The following RBFOX1 variants were observed in gnomAD, a reference collection of about 807,000 sequenced individuals.
RBFOX1 encodes the protein RNA binding fox-1 homolog 1.
Under a neutral mutation model 57.7 loss-of-function variants are expected in RBFOX1, and 8 were observed. That is an observed-to-expected ratio of 0.14 (90% confidence interval 0.08 to 0.25). The LOEUF is 0.25. RBFOX1 is among the 10% of genes least tolerant of loss of function. The pLI, the probability that RBFOX1 is intolerant of heterozygous loss-of-function variation, is 1.00. For synonymous variants in RBFOX1, 326 were observed against 222.4 expected, an observed-to-expected ratio of 1.47 and a Z score of -4.15; for missense variants, 611 against 548.5, an observed-to-expected ratio of 1.11 and a Z score of -1.14.
chr16:6,605,550 CATCGGAGTG>C (rs536353082), intron 2 of RBFOX1, among the ~76,000 whole-genome samples: 54 of 152,172 alleles, frequency 3.5e-4, no homozygotes, highest in Non-Finnish European at 6.8e-4. Flanking sequence ...GTGCATTTGT[CATCGGAGTG>C]ATCGGAGTGA....
intron 4 of RBFOX1, among the ~76,000 whole-genome samples, chr16:7,064,166 T>G (rs1368762424): frequency 6.9e-6 from 1 of 144,518 alleles, no homozygotes; most frequent in East Asian, 2.0e-4. Context: ...GTGTTCTTTT[T>G]TTTTTTTTTT....
intron 2 of RBFOX1, among the ~76,000 whole-genome samples, chr16:6,393,054 A>C (rs2092676592): frequency 6.6e-6 from 1 of 152,246 alleles, no homozygotes; most frequent in African/African-American, 2.4e-5. Flanking sequence ...ACACTGGAGT[A>C]AATGGGGCAC....
chr16:7,172,489 T>C (rs1039928255), intron 4 of RBFOX1, among the ~76,000 whole-genome samples: 1 of 152,200 alleles, frequency 6.6e-6, no homozygotes, highest in Non-Finnish European at 1.5e-5. Context: ...CCCAGCCTTT[T>C]ATCAGCAAAT....
chr16:5,764,071 A>G (rs1027731863), intron 3 of RBFOX1, among the ~76,000 whole-genome samples: 6 of 152,150 alleles, frequency 3.9e-5, no homozygotes, highest in African/African-American at 1.4e-4. Context: ...GGTGTCTAAT[A>G]AATACTTAAC....
intron 2 of RBFOX1, among the ~76,000 whole-genome samples, chr16:6,385,599 A>C (rs1417306979): frequency 6.6e-6 from 1 of 152,228 alleles, no homozygotes; most frequent in Admixed American, 6.5e-5. Context: ...ACCTTAAGTG[A>C]TCCACCTGCC....
intron 2 of RBFOX1, among the ~76,000 whole-genome samples, chr16:6,563,178 G>C (rs1225752892): frequency 6.6e-6 from 1 of 152,084 alleles, no homozygotes; most frequent in Non-Finnish European, 1.5e-5. Flanking sequence ...TTGTGACTCT[G>C]TCTCTCTGAA....
intron 4 of RBFOX1, among the ~76,000 whole-genome samples, chr16:7,121,862 C>G (rs1210720638): frequency 1.3e-5 from 2 of 151,790 alleles, no homozygotes; most frequent in Non-Finnish European, 2.9e-5. Context: ...ATAGAGACTC[C>G]AGAAATAGAC....
intron 4 of RBFOX1, among the ~76,000 whole-genome samples, chr16:7,073,842 G>C (rs945414882): frequency 2.6e-5 from 4 of 152,052 alleles, no homozygotes; most frequent in Admixed American, 2.0e-4. Context: ...GGGTGACAGA[G>C]CAAGGCATTG....
chr16:7,516,177 G>C (rs1450960435), intron 4 of RBFOX1, among the ~76,000 whole-genome samples: 2 of 152,202 alleles, frequency 1.3e-5, no homozygotes, highest in East Asian at 1.9e-4. Flanking sequence ...CCAGGCTTAT[G>C]ATGTTTTTAC....
At position 5,644,023 on chromosome 16, in the gene RBFOX1, G is replaced by A. The variant is rs932098900; in HGVS notation, c.318+45062G>A. On this transcript the variant is annotated intron_variant, in intron 3 of 19. Transcript: ENST00000641259. ...AAATGTGACCTTTACAACAAAACGTGCAGACTGCGTCGTACACAGAGGACT... is the reference window on the plus strand; with the variant it reads ...AAATGTGACCTTTACAACAAAACGTACAGACTGCGTCGTACACAGAGGACT... Among the ~76,000 whole-genome samples the A allele has an allele frequency of 1.7e-4, 26 of 152,160 alleles. 1 individual carries two copies. The highest frequency in any genetic ancestry group is 7.3e-5 in the Non-Finnish European group (5 of 68,032).
chr16:7,147,485 A>C (rs12922129), intron 4 of RBFOX1, among the ~76,000 whole-genome samples: 1 of 151,776 alleles, frequency 6.6e-6, no homozygotes, highest in Non-Finnish European at 1.5e-5. Context: ...CCTGCATCTC[A>C]TAGTCTCCAG....
chr16:6,858,281 G>A (rs1341881558), intron 3 of RBFOX1, among the ~76,000 whole-genome samples: 2 of 152,130 alleles, frequency 1.3e-5, no homozygotes, highest in Admixed American at 1.3e-4. Context: ...TGTTTCAGAG[G>A]TCTTCCCTCT....
At chr16:7,262,178 G>C (rs529468341) in intron 4 of RBFOX1, among the ~76,000 whole-genome samples, 7 of 152,150 alleles carry the variant, frequency 4.6e-5, no homozygotes, top group East Asian at 1.9e-4. Context: ...ATATGGATCT[G>C]TATATTGAAA....
chr16:6,274,863 C>A (rs1478262169), intron 1 of RBFOX1, among the ~76,000 whole-genome samples: 4 of 152,152 alleles, frequency 2.6e-5, no homozygotes. Context: ...ATAGGCTGTT[C>A]TTTTTAAGAA....
chr16:7,503,515 T>G (rs936934377), intron 4 of RBFOX1, among the ~76,000 whole-genome samples: 1 of 152,166 alleles, frequency 6.6e-6, no homozygotes, highest in African/African-American at 2.4e-5. Context: ...CCTTGTGGAT[T>G]TGGTTAAATG....
chr16:5,581,494 T>G (rs1229720840), intron 2 of RBFOX1, among the ~76,000 whole-genome samples: 2 of 152,180 alleles, frequency 1.3e-5, no homozygotes, highest in African/African-American at 2.4e-5. Context: ...ACTTTGTAAT[T>G]ATGTATACAC....
intron 2 of RBFOX1, among the ~76,000 whole-genome samples, chr16:6,617,483 A>C (rs1271112436): frequency 6.6e-6 from 1 of 151,688 alleles, no homozygotes; most frequent in East Asian, 2.0e-4. Flanking sequence ...AATTGATTTC[A>C]AACTTGTATT....
At chr16:6,932,672 A>T (rs1337987560) in intron 3 of RBFOX1, among the ~76,000 whole-genome samples, 2 of 152,184 alleles carry the variant, frequency 1.3e-5, no homozygotes, top group African/African-American at 4.8e-5. Flanking sequence ...CAGATTCTGA[A>T]GTGCTCAAAC....
At chr16:5,697,682 C>T (rs921375942) in intron 3 of RBFOX1, among the ~76,000 whole-genome samples, 36 of 135,118 alleles carry the variant, frequency 2.7e-4, no homozygotes, top group East Asian at 1.5e-3. Context: ...TACAGGTGTG[C>T]GCCACCACGC....
Sources: allele counts gnomAD v4.1 joint callset (sites outside exome capture counted in the v4.1 genomes callset), GRCh38; gene constraint gnomAD v4.1.1; transcripts MANE v1.5; gene names NCBI Gene and HGNC (gene_info 2026-07-23, HGNC 2026-07-21).